The following GPR137B variants were observed in gnomAD, a reference collection of about 807,000 sequenced individuals.
The protein encoded by GPR137B is integral membrane protein GPR137B.
In GPR137B, 42 loss-of-function variants were observed where a neutral mutation model predicts 42.5. The observed-to-expected ratio is 0.99, with a 90% CI of 0.77 to 1.28. The LOEUF is 1.28. GPR137B is among the 50% of genes most tolerant of loss of function. The probability of loss-of-function intolerance (pLI) is 0.00; values close to 1 mark genes in which losing one functional copy is unlikely to be tolerated. For synonymous variants in GPR137B, 218 were observed against 209.7 expected (o/e 1.04, Z -0.34); for missense variants, 487 against 493.9 (o/e 0.99, Z 0.13).
intron 5 of GPR137B, among the ~76,000 whole-genome samples, chr1:236,188,513 G>C (rs901207814): frequency 2.0e-5 from 3 of 152,182 alleles, no homozygotes; most frequent in African/African-American, 7.2e-5. Flanking sequence ...AGTTTATGGA[G>C]AGTTTTTACC....
At chr1:236,176,397 C>T (rs540690129) in intron 2 of GPR137B, among the ~76,000 whole-genome samples, 1 of 152,078 alleles carries the variant, frequency 6.6e-6, no homozygotes, top group Non-Finnish European at 1.5e-5. Context: ...CCTGCATGTC[C>T]GACTCGCTCA....
At chr1:236,187,553 A>G (rs1663068890) in intron 5 of GPR137B, among the ~76,000 whole-genome samples, 1 of 152,134 alleles carries the variant, frequency 6.6e-6, no homozygotes, top group Non-Finnish European at 1.5e-5. Context: ...GCATATGGCT[A>G]CCCAGTTTTC....
Position 236,142,561 on chromosome 1 carries a change from G to T in GPR137B, c.-62G>T, listed in dbSNP as rs1424413743. ...CTTGTTTTCTTTCCTCCAGTCTCGGGGCTGCAGGCTGAGCGCGATGCGCGG... is the reference window on the plus strand; with the variant it reads ...CTTGTTTTCTTTCCTCCAGTCTCGGTGCTGCAGGCTGAGCGCGATGCGCGG... On this transcript the variant is annotated 5_prime_UTR_variant, in exon 1 of 7. Transcript: ENST00000366592. 1.1e-6 allele frequency: 1 copy of T among 912,764 alleles called. No individual in the cohort carries two copies. Among genetic ancestry groups the T allele is most frequent in the South Asian group, 3.5e-5 (1 of 28,850 alleles). 56.5% of individuals were successfully genotyped at this position (912,764 alleles called of 1,614,324 possible).
Position 236,164,430 on chromosome 1 carries a change from C to T in GPR137B, c.415-4276C>T, listed in dbSNP as rs1254459380. Among the ~76,000 whole-genome samples the T allele has an allele frequency of 2.0e-5, 3 of 152,328 alleles. No homozygotes were observed. In the East Asian group the frequency reaches 5.8e-4, roughly 29 times the overall value. ...ACAGCAGAATTCACGTCTGCCTCCCCACAGGAGCCGTCGCCCCTCCCAGCT... is the reference window on the plus strand; with the variant it reads ...ACAGCAGAATTCACGTCTGCCTCCCTACAGGAGCCGTCGCCCCTCCCAGCT... On this transcript the variant is annotated intron_variant, in intron 1 of 6. Coordinates refer to ENST00000366592, the MANE Select transcript of GPR137B (RefSeq NM_003272.4).
rs779536973 is a variant in GPR137B, at chr1:236,168,699, G to A, written c.415-7G>A. 11 of 1,610,094 alleles carry A rather than the reference G, an allele frequency of 6.8e-6. No individual in the cohort carries two copies. In the Admixed American group the frequency reaches 1.0e-4, roughly 15 times the overall value. On this transcript the variant is annotated splice_region_variant and splice_polypyrimidine_tract_variant and intron_variant, in intron 1 of 6. Transcript: ENST00000366592. ...CCCCAACCTGCCATGCTTTTCTGTC[G>A]TTGCAGGTGATTTTCAAAGCCAAGT...
chr1:236,184,773 T>G (rs1046278995), intron 5 of GPR137B, among the ~76,000 whole-genome samples: 1 of 152,038 alleles, frequency 6.6e-6, no homozygotes, highest in African/African-American at 2.4e-5. Flanking sequence ...CTTTTTGGTT[T>G]TTTTTTCTTT....
rs139715231 is a variant in GPR137B, at chr1:236,171,150, G to C, written c.464+2395G>C. Among the ~76,000 whole-genome samples, 2 of 152,268 alleles carry C rather than the reference G, an allele frequency of 1.3e-5. No homozygotes were observed. Among genetic ancestry groups the C allele is most frequent in the Admixed American group, 6.5e-5 (1 of 15,298 alleles). On this transcript the variant is annotated intron_variant, in intron 2 of 6. Transcript: ENST00000366592. This position sits in a 1 kb window ranked among gnomAD's most constrained non-coding sequence, Gnocchi z 4.4. ...AACTCAGCATAAAACAGTTGTAACT[G>C]TGTTTTGACTGCAATCCATCACATG...
chr1:236,153,332 G>C (rs1295144533), intron 1 of GPR137B, among the ~76,000 whole-genome samples: 1 of 152,168 alleles, frequency 6.6e-6, no homozygotes. Context: ...TATCTCTGCA[G>C]ATTTACCTAT....
intron 2 of GPR137B, among the ~76,000 whole-genome samples, chr1:236,175,427 C>T (rs1467188562): frequency 6.6e-6 from 1 of 152,168 alleles, no homozygotes; most frequent in Non-Finnish European, 1.5e-5. Context: ...ACAGCACCCA[C>T]GAGGAATCAT....
At chr1:236,143,125 G>A (rs1661576770) in intron 1 of GPR137B, 89 bp downstream of exon 1, 2 of 1,168,510 alleles carry the variant, frequency 1.7e-6, no homozygotes, top group South Asian at 1.4e-5. Context: ...AGCCGCGGGG[G>A]CGGGTCCGGC....
intron 1 of GPR137B, among the ~76,000 whole-genome samples, chr1:236,143,406 A>G (rs1571951890): frequency 6.6e-6 from 1 of 152,162 alleles, no homozygotes; most frequent in East Asian, 1.9e-4. Context: ...GGAGGCCTGA[A>G]CTCTAGAATT....
intron 2 of GPR137B, among the ~76,000 whole-genome samples, chr1:236,170,769 A>G (rs976027698): frequency 5.9e-5 from 9 of 152,120 alleles, no homozygotes; most frequent in African/African-American, 1.9e-4. Flanking sequence ...TGAGGTCAGG[A>G]GTTTGAGACC....
intron 5 of GPR137B, among the ~76,000 whole-genome samples, chr1:236,202,872 T>A (rs1254212): frequency 0.58 from 87,633 of 152,062 alleles, 28,516 homozygotes; most frequent in African/African-American, 0.87. Flanking sequence ...AATCCATTTT[T>A]TTTGATTTTT....
At chr1:236,162,942 C>G (rs1387134426) in intron 1 of GPR137B, among the ~76,000 whole-genome samples, 1 of 152,210 alleles carries the variant, frequency 6.6e-6, no homozygotes, top group African/African-American at 2.4e-5. Context: ...AAGAGGGCCA[C>G]TGTCCTCCAG....
intron 2 of GPR137B, among the ~76,000 whole-genome samples, chr1:236,174,098 A>G (rs767082807): frequency 3.3e-5 from 5 of 152,210 alleles, no homozygotes; most frequent in Admixed American, 6.5e-5. Flanking sequence ...ATTTCCCAAG[A>G]CAAAGTTGAT....
intron 1 of GPR137B, among the ~76,000 whole-genome samples, chr1:236,148,631 C>A (rs1438888939): frequency 6.6e-6 from 1 of 152,126 alleles, no homozygotes; most frequent in Non-Finnish European, 1.5e-5. Context: ...GGGGTCTGGT[C>A]TGTTCTGTTC....
chr1:236,155,424 C>G lies in GPR137B; in HGVS notation c.414+12388C>G, dbSNP rs980965593. 3.3e-5 allele frequency among the ~76,000 whole-genome samples: 5 copies of G among 152,238 alleles called. No individual in the cohort carries two copies. Among genetic ancestry groups the G allele is most frequent in the African/African-American group, 1.2e-4 (5 of 41,460 alleles). On this transcript the variant is annotated intron_variant, in intron 1 of 6. Coordinates refer to ENST00000366592, the MANE Select transcript of GPR137B (RefSeq NM_003272.4). This position sits in a 1 kb window ranked among gnomAD's most constrained non-coding sequence, Gnocchi z 4.6. Reference sequence around the variant, plus strand: ...GGGTTGACCAGCCTCACCCCTGAATCCAGGTGCTCAGGGGACAAGAGACAA... The same window carrying G: ...GGGTTGACCAGCCTCACCCCTGAATGCAGGTGCTCAGGGGACAAGAGACAA...
intron 1 of GPR137B, among the ~76,000 whole-genome samples, chr1:236,157,922 G>A (rs1393163274): frequency 6.6e-6 from 1 of 152,180 alleles, no homozygotes; most frequent in Non-Finnish European, 1.5e-5. Flanking sequence ...ACAAACTGCA[G>A]AAGGTTATGG....
intron 1 of GPR137B, among the ~76,000 whole-genome samples, chr1:236,164,185 T>C (rs1429537612): frequency 6.6e-5 from 10 of 152,244 alleles, no homozygotes; most frequent in Admixed American, 5.9e-4. Context: ...CTTTTTACAA[T>C]TCTTGGGTCC....
Sources: gnomAD v4.1 joint callset for allele counts (sites outside exome capture counted in the v4.1 genomes callset) on GRCh38, gnomAD v4.1.1 for gene constraint, Gnocchi (gnomAD v3.1) non-coding constraint, MANE v1.5 for transcripts, NCBI Gene and HGNC (gene_info 2026-07-23, HGNC 2026-07-21) for gene names.